AHCTF1: variants seen among roughly 807,000 people sequenced by gnomAD.
AHCTF1 encodes the protein protein ELYS.
Under a neutral mutation model 248.4 loss-of-function variants are expected in AHCTF1, and 24 were observed. That is an observed-to-expected ratio of 0.10 (90% CI 0.07 to 0.14). The LOEUF (loss-of-function observed/expected upper bound fraction) is 0.14. Among genes scored for constraint, AHCTF1 ranks in the 10% least tolerant of loss-of-function variants. The pLI is 1.00. For missense variants in AHCTF1, 2,206 were observed against 2,636.2 expected (o/e 0.84, Z 3.57); for synonymous variants, 786 against 929.8 (o/e 0.85, Z 2.81).
intron 10 of AHCTF1, 89 bp from the exon 11 acceptor site, chr1:246,899,601 CAAGGT>C: frequency 1.1e-6 from 1 of 896,976 alleles, no homozygotes; most frequent in South Asian, 1.7e-5. Context: ...GACTGCAAGG[CAAGGT>C]GTCAAATTAT....
At chr1:246,846,526 A>G (rs992052401) in intron 33 of AHCTF1, among the ~76,000 whole-genome samples, 2 of 152,140 alleles carry the variant, frequency 1.3e-5, no homozygotes, top group African/African-American at 4.8e-5. Context: ...AGTGGCAGAA[A>G]TGAGAGATCT....
At chr1:246,888,277 CAT>C in intron 18 of AHCTF1, 44 bp from the exon 19 acceptor site, 1 of 1,608,570 alleles carries the variant, frequency 6.2e-7, no homozygotes, top group Non-Finnish European at 8.5e-7. Flanking sequence ...CTTATACAGT[CAT>C]TCATTCATTC....
chr1:246,884,063 C>T (rs1320136508), intron 21 of AHCTF1, among the ~76,000 whole-genome samples: 1 of 151,786 alleles, frequency 6.6e-6, no homozygotes, highest in Non-Finnish European at 1.5e-5. Flanking sequence ...GAGGTACATG[C>T]AAATGAAAAA....
chr1:246,862,636 G>A (rs12068067), intron 27 of AHCTF1, among the ~76,000 whole-genome samples: 30,413 of 151,980 alleles, frequency 0.2, 3,368 homozygotes, highest in East Asian at 0.41. Context: ...CTTTTTATAC[G>A]TAAGTCTACG....
chr1:246,920,142 C>CAAAAAAAAAAAAAAAAAAA (rs68194249), intron 1 of AHCTF1, among the ~76,000 whole-genome samples: 1 of 40,784 alleles, frequency 2.5e-5, no homozygotes, highest in Non-Finnish European at 4.5e-5. Context: ...CTGTCCCCCG[C>CAAAAAAAAAAAAAAAAAAA]AAAAAAAAAA....
chr1:246,860,698 G>A (rs890117095), intron 29 of AHCTF1, among the ~76,000 whole-genome samples: 1 of 152,104 alleles, frequency 6.6e-6, no homozygotes, highest in African/African-American at 2.4e-5. Flanking sequence ...TAAAGACAGG[G>A]CCTCGCTATG....
intron 3 of AHCTF1, among the ~76,000 whole-genome samples, chr1:246,914,730 C>T (rs993115998): frequency 1.3e-4 from 20 of 152,156 alleles, no homozygotes; most frequent in Middle Eastern, 3.2e-3. Context: ...AAGTGTCTAT[C>T]GCTACTCCCC....
intron 29 of AHCTF1, 148 bp downstream of exon 29, chr1:246,860,751 C>T: frequency 4.7e-6 from 5 of 1,054,352 alleles, no homozygotes; most frequent in Non-Finnish European, 6.8e-6. Flanking sequence ...AGCAATCCTC[C>T]AGCCTCAGCC....
At chr1:246,895,730 A>T in intron 13 of AHCTF1, 105 bp downstream of exon 13, 1 of 924,788 alleles carries the variant, frequency 1.1e-6, no homozygotes, top group Non-Finnish European at 1.6e-6. Context: ...CTGCATGTGG[A>T]TCTTCAATTA....
At chr1:246,929,984 G>A (rs1297270949) in intron 1 of AHCTF1, among the ~76,000 whole-genome samples, 2 of 151,912 alleles carry the variant, frequency 1.3e-5, no homozygotes, top group Non-Finnish European at 2.9e-5. Flanking sequence ...CCTGGGAGAC[G>A]GAGGTTGCAG....
At chr1:246,883,628 C>T (rs1400330131) in intron 21 of AHCTF1, among the ~76,000 whole-genome samples, 2 of 152,172 alleles carry the variant, frequency 1.3e-5, no homozygotes, top group Non-Finnish European at 2.9e-5. Context: ...GACTTTCTAG[C>T]AACCCTGAAG....
chr1:246,874,417 A>T (rs2103099999), intron 24 of AHCTF1, among the ~76,000 whole-genome samples: 1 of 152,298 alleles, frequency 6.6e-6, no homozygotes, highest in Non-Finnish European at 1.5e-5. Flanking sequence ...TAACTTGCTA[A>T]ACCTTTTGAC....
In AHCTF1 at chr1:246,850,762, G is replaced by A. The variant is rs144747230; in HGVS notation, c.5244C>T (p.Asn1748=). The change falls in exon 33 of 36, where the codon AAC becomes AAT. Residue 1748 remains asparagine (N), a synonymous_variant. Transcript: ENST00000648844. ...KTRTRGQRIQ[N]VNVKSAQQEA... Reference sequence around the variant, plus strand: ...CCTGTTGTGCTGATTTGACATTCACGTTTTGGATACGTTGACCTCTCGTAC... The same window carrying A: ...CCTGTTGTGCTGATTTGACATTCACATTTTGGATACGTTGACCTCTCGTAC... The A allele has an allele frequency of 6.6e-3, 10,580 of 1,613,790 alleles. 41 individuals are homozygous for A. Among genetic ancestry groups the A allele is most frequent in the Non-Finnish European group, 8.1e-3 (9,593 of 1,179,834 alleles).
At chr1:246,870,649 C>G (rs1453374799) in intron 24 of AHCTF1, among the ~76,000 whole-genome samples, 1 of 148,694 alleles carries the variant, frequency 6.7e-6, no homozygotes, top group Non-Finnish European at 1.5e-5. Flanking sequence ...ATTTTAATTA[C>G]TAGCTCCTCT....
At position 246,877,000 on chromosome 1, in the gene AHCTF1, T is replaced by G; in HGVS notation, c.2887A>C (p.Asn963His). The part of the protein sequence containing the change: ...FLLVHHLQRA[N>H]YVPALKLNQT... ...TTCAGCTTCAAGGCAGGCACATAAT[T>G]GGCACGCTGCAAATGGTGCACTAAA... The change falls in exon 23 of 36, where the codon AAT becomes CAT. Residue 963 changes from asparagine to histidine, a missense_variant. Asn to His is a moderately conservative substitution (Grantham distance 68, BLOSUM62 1). Coordinates refer to ENST00000648844, the MANE Select transcript of AHCTF1 (RefSeq NM_001323342.2). The G allele has an allele frequency of 1.9e-6, 3 of 1,612,134 alleles. No individual in the cohort carries two copies. Among genetic ancestry groups the G allele is most frequent in the Non-Finnish European group, 2.5e-6 (3 of 1,179,942 alleles).
chr1:246,890,021 G>C lies in AHCTF1; in HGVS notation c.2089C>G (p.Pro697Ala). Residue 697 changes from proline (P) to alanine (A), a missense_variant, in exon 17 of 36, where the codon CCT (proline) becomes GCT (alanine). Pro to Ala is a conservative substitution (Grantham distance 27). This residue lies in a region of AHCTF1 where 650 missense variants were observed against 870.8 expected (regional missense o/e 0.75). Coordinates refer to ENST00000648844, the MANE Select transcript of AHCTF1 (RefSeq NM_001323342.2). ...CTGGTGTAGTAGTTCTGAATTACAGGGTAGTTGTAGCATAACCTTGACAAC... is the reference window on the plus strand; with the variant it reads ...CTGGTGTAGTAGTTCTGAATTACAGCGTAGTTGTAGCATAACCTTGACAAC... The part of the protein sequence containing the change: ...VQLSRLCYNY[P>A]VIQNYYTSRR... 6.2e-7 allele frequency: 1 copy of C among 1,612,590 alleles called. No homozygotes were observed. The highest frequency in any genetic ancestry group is 8.5e-7 in the Non-Finnish European group (1 of 1,179,252).
chr1:246,921,953 C>A (rs753384522), intron 1 of AHCTF1, among the ~76,000 whole-genome samples: 2 of 152,212 alleles, frequency 1.3e-5, no homozygotes, highest in Non-Finnish European at 2.9e-5. Context: ...ACTGACTACA[C>A]AACAATAATA....
chr1:246,859,731 G>A (rs992084217), intron 29 of AHCTF1, among the ~76,000 whole-genome samples: 3 of 151,846 alleles, frequency 2.0e-5, no homozygotes, highest in African/African-American at 4.8e-5. Flanking sequence ...GCATGCTATC[G>A]TGCCCAGCTA....
rs1020944448 is a variant in AHCTF1, at chr1:246,899,972, A to G, written c.1432+93T>C. The G allele has an allele frequency of 8.7e-6, 11 of 1,262,480 alleles. No individual in the cohort carries two copies. In the African/African-American group the frequency reaches 1.1e-4, roughly 12 times the overall value. 78.2% of individuals were successfully genotyped at this position (1,262,480 alleles called of 1,614,324 possible). On this transcript the variant is annotated intron_variant, in intron 10 of 35. Coordinates refer to ENST00000648844, the MANE Select transcript of AHCTF1 (RefSeq NM_001323342.2). ...TGTTAACTAACAGTGAGATACAAACAGATAACACTAAATGAATAAACTACA... is the reference window on the plus strand; with the variant it reads ...TGTTAACTAACAGTGAGATACAAACGGATAACACTAAATGAATAAACTACA...
Sources: allele counts gnomAD v4.1 joint callset (sites outside exome capture counted in the v4.1 genomes callset), GRCh38; gene constraint gnomAD v4.1.1; regional missense constraint gnomAD v4.1.1; transcripts MANE v1.5; gene names NCBI Gene and HGNC (gene_info 2026-07-23, HGNC 2026-07-21).